The following ST3GAL6 variants were observed in gnomAD, a reference collection of about 807,000 sequenced individuals.
ST3GAL6 encodes the protein type 2 lactosamine alpha-2,3-sialyltransferase.
In ST3GAL6, 31 loss-of-function variants were observed where a neutral mutation model predicts 40.5. The observed-to-expected ratio is 0.77, with a 90% CI of 0.58 to 1.03. The LOEUF is 1.03. Ranked by LOEUF, ST3GAL6 falls within the 50% of genes least tolerant of loss-of-function variation. ST3GAL6 has a pLI of 0.00. For missense variants in ST3GAL6, 357 were observed against 393.2 expected, an observed-to-expected ratio of 0.91 and a Z score of 0.78; for synonymous variants, 129 against 136.9, an observed-to-expected ratio of 0.94 and a Z score of 0.40.
At position 98,791,970 on chromosome 3, in the gene ST3GAL6, G is replaced by A; in HGVS notation, c.886G>A (p.Ala296Thr). 6.2e-7 allele frequency: 1 copy of A among 1,613,450 alleles called. No individual in the cohort carries two copies. The highest frequency in any genetic ancestry group is 8.5e-7 in the Non-Finnish European group (1 of 1,179,650). The change falls in exon 9 of 10, where the codon GCC becomes ACC. Residue 296 changes from alanine (A) to threonine (T), a missense_variant. Coordinates refer to ENST00000483910, the MANE Select transcript of ST3GAL6 (RefSeq NM_001323368.2). ...GAGTCCTTTGCACTACTATGGGAAT[G>A]CCACCATGTCTTTGATGAATAAGGT... is the stretch of plus-strand genomic sequence containing the variant. ...LKSPLHYYGN[A>T]TMSLMNKNAY...
At position 98,763,361 on chromosome 3, in the gene ST3GAL6, G is replaced by A; in HGVS notation, c.-90G>A. The stretch of plus-strand genomic sequence containing the variant: ...TGTCAGTGTGAGCTGAAGACCAGCA[G>A]AGACTAGGATGGATGACGGCCTGTC... On this transcript the variant is annotated 5_prime_UTR_variant, in exon 1 of 10. Coordinates refer to ENST00000483910, the MANE Select transcript of ST3GAL6 (RefSeq NM_001323368.2). 1 of 1,289,834 alleles carries A rather than the reference G, an allele frequency of 7.8e-7. No individual in the cohort carries two copies. The highest frequency in any genetic ancestry group is 1.0e-6 in the Non-Finnish European group (1 of 988,868). 79.9% of individuals were successfully genotyped at this position (1,289,834 alleles called of 1,614,324 possible). A position where few individuals can be genotyped will look rare whatever the true frequency, so the allele number is the denominator to read the frequency against.
Position 98,748,936 on chromosome 3 carries a change from A to G in ST3GAL6, c.-12+16404A>G, listed in dbSNP as rs1014714657. On this transcript the variant is annotated intron_variant, in intron 1 of 9. Transcript: ENST00000265261. The stretch of plus-strand genomic sequence containing the variant: ...TAACTCCTCTTCATCCTTCAGAGAC[A>G]CTTCCTGTCCTTCCCTATCTGGATC... Among the ~76,000 whole-genome samples, 3 of 152,150 alleles carry G rather than the reference A, an allele frequency of 2.0e-5. No individual in the cohort carries two copies. In the East Asian group the frequency reaches 5.8e-4, roughly 29 times the overall value.
At chr3:98,780,135 C>T (rs1939953008) in intron 5 of ST3GAL6, among the ~76,000 whole-genome samples, 1 of 152,144 alleles carries the variant, frequency 6.6e-6, no homozygotes, top group African/African-American at 2.4e-5. Context: ...TGAATCAGTC[C>T]TTTCAGAGTA....
rs1272201936 is a variant in ST3GAL6 at position 98,779,732 on chromosome 3, A to T, written c.336-5213A>T. On this transcript the variant is annotated intron_variant, in intron 5 of 9. Transcript: ENST00000483910. The stretch of plus-strand genomic sequence containing the variant: ...CAGATTTCCATTAACAGGTTCCAAA[A>T]CAATTATTTTGTTTTCTGGGTAAGC... Among the ~76,000 whole-genome samples, 6 of 152,196 alleles carry T rather than the reference A, an allele frequency of 3.9e-5. No individual in the cohort carries two copies. In the East Asian group the frequency reaches 1.2e-3, roughly 29 times the overall value.
At chr3:98,781,224 A>C (rs1008987495) in intron 5 of ST3GAL6, among the ~76,000 whole-genome samples, 20 of 152,226 alleles carry the variant, frequency 1.3e-4, no homozygotes, top group Non-Finnish European at 2.5e-4. Context: ...AAACTAACAC[A>C]GGAACAGAAA....
intron 9 of ST3GAL6, 26 bp from the exon 10 acceptor site, chr3:98,793,649 A>G: frequency 2.7e-6 from 4 of 1,469,692 alleles, no homozygotes; most frequent in Non-Finnish European, 3.7e-6. Flanking sequence ...GGAAAGAATG[A>G]TGGTAATTGT....
chr3:98,764,897 G>A (rs1938167282), intron 1 of ST3GAL6, among the ~76,000 whole-genome samples: 1 of 151,324 alleles, frequency 6.6e-6, no homozygotes, highest in African/African-American at 2.4e-5. Context: ...TAGGCATTTA[G>A]GGTAAAAAAA....
chr3:98,734,994 T>A (rs1257503943), intron 1 of ST3GAL6, among the ~76,000 whole-genome samples: 1 of 152,162 alleles, frequency 6.6e-6, no homozygotes, highest in African/African-American at 2.4e-5. Context: ...TGTGCTTCCA[T>A]CCAGGAGTGG....
At chr3:98,738,104 G>T (rs922781322) in intron 1 of ST3GAL6, among the ~76,000 whole-genome samples, 1 of 44,690 alleles carries the variant, frequency 2.2e-5, no homozygotes, top group Non-Finnish European at 4.7e-5. Context: ...CCCCACCCCC[G>T]CCTTTCCTCC....
At chr3:98,776,921 CA>C (rs1314233018) in intron 5 of ST3GAL6, among the ~76,000 whole-genome samples, 1 of 152,166 alleles carries the variant, frequency 6.6e-6, no homozygotes, top group Non-Finnish European at 1.5e-5. Flanking sequence ...TGGGAAAACT[CA>C]AAATATCAGT....
chr3:98,741,534 G>A (rs1559720482), intron 1 of ST3GAL6, among the ~76,000 whole-genome samples: 1 of 152,042 alleles, frequency 6.6e-6, no homozygotes, highest in Admixed American at 6.5e-5. Context: ...CACAAAGTTT[G>A]GTGTTACTAG....
At chr3:98,757,066 A>G (rs991784502) in intron 1 of ST3GAL6, among the ~76,000 whole-genome samples, 4 of 152,104 alleles carry the variant, frequency 2.6e-5, no homozygotes, top group African/African-American at 7.2e-5. Flanking sequence ...TTGGAATCCT[A>G]TGCACAGATT....
chr3:98,794,227 T>TTTAA lies in ST3GAL6; in HGVS notation c.*471_*474dup, dbSNP rs1439050958. ...CTCTGGAAATCTAAGTTCATACTGG[T>TTTAA]TTAATTAAGCTCTCTCCTGACAACC... On this transcript the variant is annotated 3_prime_UTR_variant, in exon 10 of 10. Transcript: ENST00000483910. 6.6e-6 allele frequency: 1 copy of TTTAA among 152,436 alleles called. No homozygotes were observed. Among genetic ancestry groups the TTTAA allele is most frequent in the African/African-American group, 2.4e-5 (1 of 41,560 alleles). The allele number at this position is 152,436 out of a possible 1,614,324, so 9.4% of individuals were successfully genotyped here. A position where few individuals can be genotyped will look rare whatever the true frequency, so the allele number is the denominator to read the frequency against.
At chr3:98,735,175 A>G (rs1935425782) in intron 1 of ST3GAL6, among the ~76,000 whole-genome samples, 1 of 152,162 alleles carries the variant, frequency 6.6e-6, no homozygotes, top group Non-Finnish European at 1.5e-5. Flanking sequence ...GCCCCATTTT[A>G]TAGCTTAAAA....
intron 5 of ST3GAL6, chr3:98,782,864 C>T (rs1365475013): frequency 2.1e-6 from 1 of 471,722 alleles, no homozygotes; most frequent in Non-Finnish European, 4.2e-6. Context: ...GCAGGAAATC[C>T]TGGAGTCTGA....
chr3:98,739,399 C>CT (rs1471668000), intron 1 of ST3GAL6, among the ~76,000 whole-genome samples: 4 of 145,706 alleles, frequency 2.7e-5, no homozygotes, highest in African/African-American at 1.0e-4. Context: ...AAAAAAAAAA[C>CT]CCCAAAAAAA....
Position 98,793,674 on chromosome 3 carries a change from G to T in ST3GAL6, c.910-1G>T. 6.4e-7 allele frequency: 1 copy of T among 1,571,738 alleles called. No homozygotes were observed. The highest frequency in any genetic ancestry group is 1.2e-5 in the South Asian group (1 of 82,062). On this transcript the variant is annotated splice_acceptor_variant, in intron 9 of 9. Transcript: ENST00000483910. LOFTEE classifies it high-confidence loss of function. Reference sequence around the variant, plus strand: ...ATGGTAATTGTATTTTTCTTCTTTAGAACGCGTATCACAATGTGACTGCAG... The same window carrying T: ...ATGGTAATTGTATTTTTCTTCTTTATAACGCGTATCACAATGTGACTGCAG...
chr3:98,769,144 A>G (rs1454534505), intron 2 of ST3GAL6, among the ~76,000 whole-genome samples: 1 of 152,206 alleles, frequency 6.6e-6, no homozygotes, highest in African/African-American at 2.4e-5. Flanking sequence ...AATAAATCAC[A>G]TAACTTCCTG....
intron 1 of ST3GAL6, 100 bp downstream of exon 1, chr3:98,763,539 G>C: frequency 9.3e-7 from 1 of 1,081,042 alleles, no homozygotes; most frequent in South Asian, 1.3e-5. Flanking sequence ...GCTGTGTGGA[G>C]GTAGAAGGGG....
Sources: gnomAD v4.1 joint callset for allele counts (sites outside exome capture counted in the v4.1 genomes callset) on GRCh38, gnomAD v4.1.1 for gene constraint, MANE v1.5 for transcripts, NCBI Gene and HGNC (gene_info 2026-07-23, HGNC 2026-07-21) for gene names.